RALGAPA1: variants seen among roughly 807,000 people sequenced by gnomAD.
The protein encoded by RALGAPA1 is ral GTPase-activating protein subunit alpha-1.
In RALGAPA1, 52 loss-of-function variants were observed where a neutral mutation model predicts 269.6. The ratio of observed to expected loss-of-function variants is 0.19; its 90% CI spans 0.15 to 0.24. The LOEUF is 0.24. RALGAPA1 is among the 10% of genes least tolerant of loss of function. The probability of loss-of-function intolerance (pLI) is 1.00; values close to 1 mark genes in which losing one functional copy is unlikely to be tolerated. For missense variants in RALGAPA1, 1,917 were observed against 3,013.9 expected (o/e 0.64, Z 8.52); for synonymous variants, 817 against 1,008.3 (o/e 0.81, Z 3.60).
intron 35 of RALGAPA1, among the ~76,000 whole-genome samples, chr14:35,612,781 G>A (rs926270517): frequency 3.9e-5 from 6 of 151,934 alleles, no homozygotes; most frequent in Non-Finnish European, 5.9e-5. Flanking sequence ...CTCGTGATCC[G>A]CCCTCCTTGG....
intron 39 of RALGAPA1, among the ~76,000 whole-genome samples, chr14:35,564,932 T>C (rs193229701): frequency 4.8e-4 from 73 of 152,292 alleles, no homozygotes; most frequent in African/African-American, 1.7e-3. Flanking sequence ...GCATTTTATC[T>C]ATAACCCTAC....
intron 30 of RALGAPA1, among the ~76,000 whole-genome samples, chr14:35,653,161 A>T (rs1272223851): frequency 6.6e-6 from 1 of 152,174 alleles, no homozygotes; most frequent in African/African-American, 2.4e-5. Context: ...TGTAGTTATT[A>T]AATCCTCAGT....
chr14:35,678,327 G>T (rs1393595692), intron 21 of RALGAPA1, among the ~76,000 whole-genome samples: 1 of 152,026 alleles, frequency 6.6e-6, no homozygotes, highest in African/African-American at 2.4e-5. Context: ...ATCAAAACTG[G>T]ATGTACCAAA....
At chr14:35,756,576 G>C (rs768869783) in intron 7 of RALGAPA1, 52 of 302,070 alleles carry the variant, frequency 1.7e-4, no homozygotes, top group Non-Finnish European at 2.6e-4. Context: ...AGAAGTGTAG[G>C]AAATATCCCC....
At chr14:35,776,874 A>AT (rs1001054234) in intron 1 of RALGAPA1, among the ~76,000 whole-genome samples, 2 of 151,986 alleles carry the variant, frequency 1.3e-5, no homozygotes, top group Non-Finnish European at 1.5e-5. Context: ...TATAATAAAA[A>AT]TTTTTTTTAA....
At chr14:35,648,027 C>A (rs900659771) in intron 31 of RALGAPA1, among the ~76,000 whole-genome samples, 3 of 151,768 alleles carry the variant, frequency 2.0e-5, no homozygotes, top group African/African-American at 7.3e-5. Flanking sequence ...CCTGTAAACC[C>A]AGCACTTTGG....
At chr14:35,726,218 C>G (rs1205015541) in intron 13 of RALGAPA1, among the ~76,000 whole-genome samples, 3 of 152,078 alleles carry the variant, frequency 2.0e-5, no homozygotes, top group Non-Finnish European at 4.4e-5. Context: ...TAGAATCAAA[C>G]AGAAAACTAT....
chr14:35,735,032 TA>T lies in RALGAPA1; in HGVS notation c.1587+3480del, dbSNP rs1226788308. 2.6e-3 allele frequency among the ~76,000 whole-genome samples: 342 copies of T among 132,594 alleles called. 3 individuals are homozygous for T. The highest frequency in any genetic ancestry group is 0.011 in the African/African-American group (327 of 30,798). The allele number at this position is 132,594 out of a possible 152,430, so 87.0% of individuals were successfully genotyped here. ...CTGACTCCTGCAAGAATGGCCATAATAATAAAAAAAAAAAAAAATCAAAAAA... is the reference window on the plus strand; with the variant it reads ...CTGACTCCTGCAAGAATGGCCATAATATAAAAAAAAAAAAAAATCAAAAAA... On this transcript the variant is annotated intron_variant, in intron 12 of 41. Coordinates refer to ENST00000680220, the MANE Select transcript of RALGAPA1 (RefSeq NM_001346249.2).
intron 39 of RALGAPA1, among the ~76,000 whole-genome samples, chr14:35,563,357 A>T (rs2056444779): frequency 6.6e-6 from 1 of 152,170 alleles, no homozygotes; most frequent in Admixed American, 6.5e-5. Flanking sequence ...TTACTGGGGT[A>T]ACAACATGGG....
intron 4 of RALGAPA1, among the ~76,000 whole-genome samples, chr14:35,764,626 G>C (rs1226476300): frequency 6.6e-6 from 1 of 151,908 alleles, no homozygotes; most frequent in Non-Finnish European, 1.5e-5. Context: ...GCTCATTGTA[G>C]CCTTGACCTC....
At chr14:35,657,344 A>T (rs2063244863) in intron 28 of RALGAPA1, among the ~76,000 whole-genome samples, 1 of 151,620 alleles carries the variant, frequency 6.6e-6, no homozygotes, top group South Asian at 2.1e-4. Context: ...GCACGCTACG[A>T]CACCTGGCTA....
rs869302363 is a variant in RALGAPA1 at position 35,554,338 on chromosome 14, C to CTTTTTTTTTTT, written c.7497-5115_7497-5105dup. Among the ~76,000 whole-genome samples the CTTTTTTTTTTT allele has an allele frequency of 1.9e-4, 16 of 85,760 alleles. 3 individuals carry two copies. The highest frequency in any genetic ancestry group is 3.4e-4 in the Non-Finnish European group (16 of 46,958). 56.3% of individuals were successfully genotyped at this position (85,760 alleles called of 152,430 possible). ...CTTGTTCTTCTACTAAATACACTTTCTTTTTTTTTTTTTTTTTTTTTTTTT... is the reference window on the plus strand; with the variant it reads ...CTTGTTCTTCTACTAAATACACTTTCTTTTTTTTTTTTTTTTTTTTTTTTTTTTTTTTTTTT... On this transcript the variant is annotated intron_variant, in intron 39 of 41. Coordinates refer to ENST00000680220, the MANE Select transcript of RALGAPA1 (RefSeq NM_001346249.2).
intron 39 of RALGAPA1, among the ~76,000 whole-genome samples, chr14:35,553,417 A>G (rs575429789): frequency 1.3e-5 from 2 of 152,360 alleles, no homozygotes; most frequent in South Asian, 4.1e-4. Context: ...CAAGTATTTC[A>G]ACTTTATTAA....
chr14:35,781,873 C>T (rs368834648), intron 1 of RALGAPA1, among the ~76,000 whole-genome samples: 15 of 152,112 alleles, frequency 9.9e-5, no homozygotes, highest in African/African-American at 3.4e-4. Flanking sequence ...ACTAACAACA[C>T]ACTTAGTGAA....
chr14:35,775,168 G>T, intron 2 of RALGAPA1, 113 bp from the exon 3 acceptor site: 1 of 658,268 alleles, frequency 1.5e-6, no homozygotes, highest in East Asian at 2.9e-5. Flanking sequence ...TTAGTAAAAT[G>T]TTTAAAGCAT....
intron 37 of RALGAPA1, among the ~76,000 whole-genome samples, chr14:35,586,888 T>C (rs1041631838): frequency 6.6e-6 from 1 of 152,182 alleles, no homozygotes; most frequent in Non-Finnish European, 1.5e-5. Flanking sequence ...ATTTTGGCAT[T>C]GATGTTTATC....
At chr14:35,692,157 A>G (rs922762200) in intron 17 of RALGAPA1, among the ~76,000 whole-genome samples, 4 of 152,112 alleles carry the variant, frequency 2.6e-5, no homozygotes, top group Non-Finnish European at 4.4e-5. Context: ...TTTCCACACA[A>G]TATTCTAAAG....
At chr14:35,707,314 A>G (rs2067895705) in intron 16 of RALGAPA1, 1 of 152,096 alleles carries the variant, frequency 6.6e-6, no homozygotes, top group Non-Finnish European at 1.5e-5. Context: ...CAATCTGTAG[A>G]CCTTTTATTT....
At chr14:35,655,688 T>C in intron 29 of RALGAPA1, 119 bp downstream of exon 29, 3 of 1,355,024 alleles carry the variant, frequency 2.2e-6, no homozygotes, top group South Asian at 1.6e-5. Flanking sequence ...AAGAAAATAA[T>C]AGAATAATAA....
Sources: gnomAD v4.1 joint callset for allele counts (sites outside exome capture counted in the v4.1 genomes callset) on GRCh38, gnomAD v4.1.1 for gene constraint, MANE v1.5 for transcripts, NCBI Gene and HGNC (gene_info 2026-07-23, HGNC 2026-07-21) for gene names.